The following PDE1C variants were observed in gnomAD, a reference collection of about 807,000 sequenced individuals.
PDE1C encodes phosphodiesterase 1C, also known as dual specificity calcium/calmodulin-dependent 3',5'-cyclic nucleotide phosphodiesterase 1C.
Under a neutral mutation model 93.1 loss-of-function variants are expected in PDE1C, and 62 were observed. That is an observed-to-expected ratio of 0.67 (90% confidence interval 0.54 to 0.82). The LOEUF (loss-of-function observed/expected upper bound fraction) is 0.82, where lower values mean the gene tolerates loss of function less well. PDE1C is among the 40% of genes least tolerant of loss of function. The pLI, the probability that PDE1C is intolerant of heterozygous loss-of-function variation, is 0.00. For missense variants in PDE1C, 742 were observed against 884.6 expected (o/e 0.84, Z 2.04); for synonymous variants, 325 against 310.1 (o/e 1.05, Z -0.50).
intron 2 of PDE1C, among the ~76,000 whole-genome samples, chr7:32,049,168 T>A (rs1454811712): frequency 1.3e-5 from 2 of 152,186 alleles, no homozygotes; most frequent in Non-Finnish European, 2.9e-5. Flanking sequence ...TCCTGCTCAG[T>A]GGTTCACATG....
At chr7:32,160,345 A>C (rs1801837918) in intron 3 of PDE1C, among the ~76,000 whole-genome samples, 1 of 152,246 alleles carries the variant, frequency 6.6e-6, no homozygotes, top group Non-Finnish European at 1.5e-5. Context: ...GACTAGTTCA[A>C]CTAAAAAGGA....
intron 2 of PDE1C, among the ~76,000 whole-genome samples, chr7:32,048,139 T>C (rs73318360): frequency 7.2e-4 from 109 of 152,288 alleles, no homozygotes; most frequent in African/African-American, 2.6e-3. Context: ...CTACTCCAAA[T>C]CTACAGATCC....
At chr7:32,013,044 A>G (rs1257425654) in intron 2 of PDE1C, among the ~76,000 whole-genome samples, 2 of 152,210 alleles carry the variant, frequency 1.3e-5, no homozygotes, top group South Asian at 4.1e-4. Context: ...GTAAAAGCAA[A>G]TTTGAAAGCC....
intron 2 of PDE1C, among the ~76,000 whole-genome samples, chr7:31,884,024 C>T (rs1053279942): frequency 1.3e-5 from 2 of 152,152 alleles, no homozygotes; most frequent in Non-Finnish European, 2.9e-5. Context: ...AAATAATGCA[C>T]CTTTTGGATG....
downstream of PDE1C, among the ~76,000 whole-genome samples, chr7:31,750,762 C>T (rs1194608004): frequency 3.3e-5 from 5 of 152,178 alleles, no homozygotes; most frequent in Non-Finnish European, 4.4e-5. Context: ...GACGGAGTCT[C>T]GCTCTGTCGC....
At chr7:31,813,572 G>C (rs1008545659) in intron 15 of PDE1C, among the ~76,000 whole-genome samples, 2 of 152,086 alleles carry the variant, frequency 1.3e-5, no homozygotes, top group African/African-American at 2.4e-5. Context: ...GCAAGGAGGG[G>C]CCTGTACTGC....
intron 1 of PDE1C, among the ~76,000 whole-genome samples, chr7:32,353,886 C>G: frequency 6.6e-6 from 1 of 152,160 alleles, no homozygotes. Flanking sequence ...AATATCATGA[C>G]ATCAATACAA....
intron 2 of PDE1C, among the ~76,000 whole-genome samples, chr7:31,958,316 T>C (rs1052214228): frequency 6.6e-6 from 1 of 152,226 alleles, no homozygotes; most frequent in Non-Finnish European, 1.5e-5. Context: ...TTTCTGCCTT[T>C]ATAAACACTT....
the PDE1C span, among the ~76,000 whole-genome samples, chr7:31,651,638 T>G: frequency 6.6e-6 from 1 of 152,150 alleles, no homozygotes; most frequent in Non-Finnish European, 1.5e-5. Flanking sequence ...GGCATACGGG[T>G]TTTTCTTGGG....
Position 32,254,972 on chromosome 7 carries a change from C to G in PDE1C, c.85+43679G>C, listed in dbSNP as rs575319738. 2.6e-5 allele frequency among the ~76,000 whole-genome samples: 4 copies of G among 152,312 alleles called. No individual in the cohort carries two copies. The South Asian group carries it at 8.3e-4, about 32-fold the overall frequency. Reference sequence around the variant, plus strand: ...TCTGACTTGCAAAAAATCAAACAAACATTTTTCCTTTCTTCTTAGGAATCT... The same window carrying G: ...TCTGACTTGCAAAAAATCAAACAAAGATTTTTCCTTTCTTCTTAGGAATCT... On this transcript the variant is annotated intron_variant, in intron 1 of 18. Coordinates refer to the PDE1C transcript ENST00000396193.
intron 2 of PDE1C, among the ~76,000 whole-genome samples, chr7:32,192,100 A>G (rs142524677): frequency 1.3e-5 from 2 of 152,212 alleles, no homozygotes; most frequent in East Asian, 3.9e-4. Context: ...AATTCTTTAT[A>G]CATTCTAGAT....
At chr7:32,160,870 G>C (rs1004089450) in intron 3 of PDE1C, among the ~76,000 whole-genome samples, 2 of 151,894 alleles carry the variant, frequency 1.3e-5, no homozygotes, top group Non-Finnish European at 2.9e-5. Context: ...AGGGAAGAAG[G>C]AATATGATGG....
chr7:31,650,502 T>A, the PDE1C span, among the ~76,000 whole-genome samples: 5 of 151,944 alleles, frequency 3.3e-5, no homozygotes, highest in Admixed American at 6.6e-5. Flanking sequence ...TCAGGAGCAA[T>A]GGGAAGGATT....
In PDE1C at chr7:31,753,648, GT is replaced by G. The variant is rs1475061934; in HGVS notation, c.1961-96del. 6.9e-6 allele frequency: 10 copies of G among 1,439,014 alleles called. No homozygotes were observed. In the African/African-American group the frequency reaches 1.4e-4, roughly 21 times the overall value. 89.1% of individuals were successfully genotyped at this position (1,439,014 alleles called of 1,614,324 possible). ...TGAGCAACTTCCTCTAGACCTGTTT[GT>G]TTCCTCCAAGACCAGGAAAGAAGCA... is the stretch of plus-strand genomic sequence containing the variant. On this transcript the variant is annotated intron_variant, in intron 17 of 17. Transcript: ENST00000396191.
intron 7 of PDE1C, among the ~76,000 whole-genome samples, chr7:31,854,568 T>C (rs897992126): frequency 6.6e-6 from 1 of 152,124 alleles, no homozygotes; most frequent in Non-Finnish European, 1.5e-5. Context: ...AGCAAGCCAC[T>C]TGTTCCCGCA....
At chr7:32,291,682 C>T (rs1011914331) in intron 1 of PDE1C, among the ~76,000 whole-genome samples, 2 of 152,342 alleles carry the variant, frequency 1.3e-5, no homozygotes, top group Non-Finnish European at 1.5e-5. Flanking sequence ...TAGTCCTGCA[C>T]GCAGTTTGCC....
At chr7:31,874,611 G>T (rs1013626435) in intron 5 of PDE1C, among the ~76,000 whole-genome samples, 2 of 152,188 alleles carry the variant, frequency 1.3e-5, no homozygotes, top group African/African-American at 2.4e-5. Flanking sequence ...CTCCCTCCTG[G>T]ATGCTAATAA....
intron 2 of PDE1C, among the ~76,000 whole-genome samples, chr7:32,027,416 G>A (rs1049152758): frequency 6.6e-6 from 1 of 151,858 alleles, no homozygotes; most frequent in African/African-American, 2.4e-5. Context: ...CAAACTTAAT[G>A]GTGTATTGTG....
intron 7 of PDE1C, among the ~76,000 whole-genome samples, chr7:31,855,069 T>TCAAAA (rs1402723172): frequency 9.3e-6 from 1 of 107,044 alleles, no homozygotes; most frequent in African/African-American, 3.6e-5. Flanking sequence ...TCCCTCTGTC[T>TCAAAA]AAAAAAAAAA....
Sources: allele counts gnomAD v4.1 joint callset (sites outside exome capture counted in the v4.1 genomes callset), GRCh38; gene constraint gnomAD v4.1.1; transcripts MANE v1.5; gene names NCBI Gene and HGNC (gene_info 2026-07-23, HGNC 2026-07-21).